SORBS2: variants seen among roughly 807,000 people sequenced by gnomAD.
SORBS2 encodes sorbin and SH3 domain-containing protein 2.
A neutral mutation model predicts 97.7 loss-of-function variants in SORBS2; 46 were observed. The observed-to-expected ratio is 0.47, with a 90% confidence interval of 0.37 to 0.60. The LOEUF (loss-of-function observed/expected upper bound fraction) is 0.60. SORBS2 is among the 20% of genes least tolerant of loss of function. SORBS2 has a pLI of 0.00. For synonymous variants in SORBS2, 476 were observed against 473.4 expected, an observed-to-expected ratio of 1.01 and a Z score of -0.07; for missense variants, 1,316 against 1,282.3, an observed-to-expected ratio of 1.03 and a Z score of -0.40.
chr4:185,911,792 G>GA (rs1048369621), intron 1 of SORBS2, among the ~76,000 whole-genome samples: 8 of 152,256 alleles, frequency 5.3e-5, no homozygotes, highest in South Asian at 4.1e-4. Context: ...ATCTCTTGCA[G>GA]AAAAAATAGA....
At chr4:185,890,789 C>A (rs138236279) in intron 1 of SORBS2, among the ~76,000 whole-genome samples, 27 of 152,280 alleles carry the variant, frequency 1.8e-4, no homozygotes, top group African/African-American at 5.5e-4. Context: ...AGCACATGGG[C>A]CTGAACGTAG....
chr4:185,718,258 C>G (rs2098482832), intron 2 of SORBS2, among the ~76,000 whole-genome samples: 1 of 152,028 alleles, frequency 6.6e-6, no homozygotes. Context: ...ATGTAATATA[C>G]TTAGAAAAAT....
chr4:185,589,274 G>C (rs141385086), intron 14 of SORBS2: 1 of 162,994 alleles, frequency 6.1e-6, no homozygotes, highest in Non-Finnish European at 1.3e-5. Context: ...CCTAGGAAAC[G>C]GGAGAGCTGT....
chr4:185,720,591 ATGT>A (rs1343030750), intron 2 of SORBS2, among the ~76,000 whole-genome samples: 1 of 151,632 alleles, frequency 6.6e-6, no homozygotes, highest in Non-Finnish European at 1.5e-5. Flanking sequence ...CCTTCCTTCC[ATGT>A]ATCTAAGAGA....
intron 2 of SORBS2, among the ~76,000 whole-genome samples, chr4:185,736,788 A>G (rs1435643923): frequency 6.6e-6 from 1 of 152,214 alleles, no homozygotes; most frequent in African/African-American, 2.4e-5. Flanking sequence ...GGGGAAAGAC[A>G]TCATCCACAC....
At chr4:185,685,811 C>T (rs990026437) in intron 2 of SORBS2, among the ~76,000 whole-genome samples, 4 of 152,210 alleles carry the variant, frequency 2.6e-5, no homozygotes, top group African/African-American at 9.7e-5. Flanking sequence ...CGCACCTGGC[C>T]TCATTTATTG....
intron 1 of SORBS2, among the ~76,000 whole-genome samples, chr4:185,904,167 A>G (rs2099249369): frequency 6.6e-6 from 1 of 152,218 alleles, no homozygotes; most frequent in African/African-American, 2.4e-5. Context: ...GTATAATCTT[A>G]TTAATTAACT....
At chr4:185,749,266 G>T (rs2098784831) in intron 2 of SORBS2, among the ~76,000 whole-genome samples, 1 of 152,186 alleles carries the variant, frequency 6.6e-6, no homozygotes, top group African/African-American at 2.4e-5. Context: ...TCAACAGCCT[G>T]ATGATGGCCT....
chr4:185,677,895 C>T (rs1454817932), intron 4 of SORBS2, among the ~76,000 whole-genome samples: 1 of 152,144 alleles, frequency 6.6e-6, no homozygotes, highest in Non-Finnish European at 1.5e-5. Flanking sequence ...ATAACATTTG[C>T]TCCATCTACA....
intron 1 of SORBS2, among the ~76,000 whole-genome samples, chr4:185,655,906 C>G (rs2097393097): frequency 6.6e-6 from 1 of 152,178 alleles, no homozygotes; most frequent in East Asian, 1.9e-4. Context: ...TCCTCTCAGA[C>G]AGAATCTATA....
intron 4 of SORBS2, among the ~76,000 whole-genome samples, chr4:185,667,966 A>G (rs1186277002): frequency 6.6e-6 from 1 of 152,136 alleles, no homozygotes; most frequent in African/African-American, 2.4e-5. Context: ...GATAGCGTCA[A>G]TGAAATTTCC....
At chr4:185,739,421 C>T (rs2098708660) in intron 2 of SORBS2, among the ~76,000 whole-genome samples, 1 of 152,200 alleles carries the variant, frequency 6.6e-6, no homozygotes, top group Non-Finnish European at 1.5e-5. Flanking sequence ...TGAAACTTAA[C>T]ATTGGGCAAC....
At chr4:185,760,765 A>T (rs564154477) in intron 2 of SORBS2, among the ~76,000 whole-genome samples, 1 of 152,332 alleles carries the variant, frequency 6.6e-6, no homozygotes, top group Admixed American at 6.5e-5. Flanking sequence ...TGCATTAAAA[A>T]CACATTTCCT....
chr4:185,861,781 G>C (rs1382861703), intron 1 of SORBS2, among the ~76,000 whole-genome samples: 1 of 151,932 alleles, frequency 6.6e-6, no homozygotes, highest in Non-Finnish European at 1.5e-5. Context: ...AATTTTTGTA[G>C]TTTTAACAGA....
intron 4 of SORBS2, among the ~76,000 whole-genome samples, chr4:185,663,848 CTTTTTTTTTTT>C (rs56177449): frequency 1.2e-5 from 1 of 80,978 alleles, no homozygotes; most frequent in Non-Finnish European, 2.4e-5. Flanking sequence ...TAGATTTATT[CTTTTTTTTTTT>C]TTTTTTTTTT....
At chr4:185,679,422 A>C (rs1319115012) in intron 2 of SORBS2, among the ~76,000 whole-genome samples, 1 of 152,226 alleles carries the variant, frequency 6.6e-6, no homozygotes, top group Non-Finnish European at 1.5e-5. Flanking sequence ...TCTTTCAGCT[A>C]GTAAGCTGTG....
At chr4:185,595,946 C>A (rs1369435062) in intron 12 of SORBS2, among the ~76,000 whole-genome samples, 1 of 152,088 alleles carries the variant, frequency 6.6e-6, no homozygotes, top group Non-Finnish European at 1.5e-5. Context: ...AAATACTGTA[C>A]TCAAAAGTAA....
At chr4:185,721,019 T>A (rs1562115043) in intron 2 of SORBS2, among the ~76,000 whole-genome samples, 1 of 151,294 alleles carries the variant, frequency 6.6e-6, no homozygotes, top group Admixed American at 6.6e-5. Context: ...CAGAGGATAG[T>A]GTGAGACAAT....
chr4:185,797,919 C>G (rs2153654767), intron 1 of SORBS2, among the ~76,000 whole-genome samples: 1 of 152,292 alleles, frequency 6.6e-6, no homozygotes, highest in Middle Eastern at 3.4e-3. Flanking sequence ...CTGAAGTTGC[C>G]TAGAAGGGTC....
Sources: allele counts gnomAD v4.1 joint callset (sites outside exome capture counted in the v4.1 genomes callset), GRCh38; gene constraint gnomAD v4.1.1; transcripts MANE v1.5; gene names NCBI Gene and HGNC (gene_info 2026-07-23, HGNC 2026-07-21).